CTNND2: variants seen among roughly 807,000 people sequenced by gnomAD.
The protein encoded by CTNND2 is catenin delta-2.
Under a neutral mutation model 144.4 loss-of-function variants are expected in CTNND2, and 22 were observed. The observed-to-expected ratio is 0.15, with a 90% confidence interval of 0.11 to 0.22. The LOEUF (loss-of-function observed/expected upper bound fraction) is 0.22, where lower values mean the gene tolerates loss of function less well. Among genes scored for constraint, CTNND2 ranks in the 10% least tolerant of loss-of-function variants. The pLI, the probability that CTNND2 is intolerant of heterozygous loss-of-function variation, is 1.00. For missense variants in CTNND2, 1,353 were observed against 1,618.8 expected (o/e 0.84, Z 2.82); for synonymous variants, 751 against 695.6 (o/e 1.08, Z -1.25).
intron 13 of CTNND2, among the ~76,000 whole-genome samples, chr5:11,113,989 G>A (rs1302362975): frequency 6.6e-6 from 1 of 152,178 alleles, no homozygotes; most frequent in Non-Finnish European, 1.5e-5. Context: ...AAGGTGTCAT[G>A]GGCTGCTAAT....
chr5:11,332,183 G>T (rs1753222330), intron 9 of CTNND2, among the ~76,000 whole-genome samples: 1 of 151,676 alleles, frequency 6.6e-6, no homozygotes, highest in Non-Finnish European at 1.5e-5. Flanking sequence ...GCTGAGGCAG[G>T]AGAATCGCTT....
chr5:11,297,940 C>G (rs1749191856), intron 9 of CTNND2, among the ~76,000 whole-genome samples: 2 of 152,114 alleles, frequency 1.3e-5, no homozygotes, highest in Admixed American at 6.6e-5. Context: ...TAAAAATTAG[C>G]ACCTTCAATA....
At chr5:11,546,234 A>T (rs1454277589) in intron 3 of CTNND2, among the ~76,000 whole-genome samples, 1 of 152,092 alleles carries the variant, frequency 6.6e-6, no homozygotes, top group Non-Finnish European at 1.5e-5. Context: ...AAAACCATTA[A>T]ATTTTATATT....
At chr5:11,835,226 T>C (rs1320024532) in intron 1 of CTNND2, among the ~76,000 whole-genome samples, 1 of 152,260 alleles carries the variant, frequency 6.6e-6, no homozygotes, top group African/African-American at 2.4e-5. Context: ...TGAGGATTTC[T>C]GCATCTATAC....
intron 1 of CTNND2, among the ~76,000 whole-genome samples, chr5:11,759,462 G>T (rs181560282): frequency 3.3e-5 from 5 of 152,112 alleles, no homozygotes; most frequent in African/African-American, 1.2e-4. Flanking sequence ...TCTCAATTAT[G>T]CAAACATGGT....
rs182843547 is a variant in CTNND2 at position 11,180,651 on chromosome 5, C to A, written c.1975+18797G>T. ...GGATGTAGAGTGAAGAAGGACCTCA[C>A]TTATCCTGCTGGGGACAGGGTCTGT... On this transcript the variant is annotated intron_variant, in intron 11 of 21. Transcript: ENST00000304623. Among the ~76,000 whole-genome samples the A allele has an allele frequency of 7.8e-4, 119 of 152,346 alleles. 2 individuals carry two copies. Among genetic ancestry groups the A allele is most frequent in the Admixed American group, 4.8e-3 (73 of 15,306 alleles).
chr5:11,815,115 G>C (rs571389528), intron 1 of CTNND2, among the ~76,000 whole-genome samples: 1 of 152,146 alleles, frequency 6.6e-6, no homozygotes, highest in Non-Finnish European at 1.5e-5. Flanking sequence ...AGTTCATTAA[G>C]AGACAACAGA....
intron 12 of CTNND2, among the ~76,000 whole-genome samples, chr5:11,130,206 CG>C (rs1383037413): frequency 6.6e-6 from 1 of 152,048 alleles, no homozygotes; most frequent in South Asian, 2.1e-4. Flanking sequence ...GGGCTGGCCG[CG>C]AACACCACTG....
chr5:11,122,246 CAAA>C (rs202171390), intron 12 of CTNND2, among the ~76,000 whole-genome samples: 1 of 120,560 alleles, frequency 8.3e-6, no homozygotes, highest in African/African-American at 2.8e-5. Context: ...TTTCAACTTG[CAAA>C]AAAAAAAAAA....
At chr5:11,838,961 A>G (rs1794316989) in intron 1 of CTNND2, among the ~76,000 whole-genome samples, 1 of 152,220 alleles carries the variant, frequency 6.6e-6, no homozygotes, top group Admixed American at 6.5e-5. Context: ...CAACAGCTCA[A>G]TAAATATTGT....
At chr5:11,658,095 A>C (rs993666168) in intron 2 of CTNND2, among the ~76,000 whole-genome samples, 1 of 152,162 alleles carries the variant, frequency 6.6e-6, no homozygotes, top group African/African-American at 2.4e-5. Flanking sequence ...ATTTTAATCT[A>C]TTACACAAGT....
chr5:11,579,454 T>C (rs1778242069), intron 2 of CTNND2, among the ~76,000 whole-genome samples: 1 of 152,214 alleles, frequency 6.6e-6, no homozygotes, highest in African/African-American at 2.4e-5. Context: ...TACCAGATGC[T>C]CTTGGTACAC....
intron 2 of CTNND2, among the ~76,000 whole-genome samples, chr5:11,713,032 G>A (rs1786124573): frequency 6.6e-6 from 1 of 152,156 alleles, no homozygotes; most frequent in Non-Finnish European, 1.5e-5. Flanking sequence ...ACACAGTGCT[G>A]CAAAATGGGG....
intron 3 of CTNND2, among the ~76,000 whole-genome samples, chr5:11,449,732 T>C (rs1765135965): frequency 6.6e-6 from 1 of 152,256 alleles, no homozygotes; most frequent in Non-Finnish European, 1.5e-5. Flanking sequence ...TGAAATTTTA[T>C]AATTTATTGC....
intron 15 of CTNND2, among the ~76,000 whole-genome samples, chr5:11,092,183 C>A (rs1315668440): frequency 1.3e-5 from 2 of 152,194 alleles, no homozygotes; most frequent in African/African-American, 4.8e-5. Flanking sequence ...TAGTGTCTTA[C>A]TAAAAAACCC....
At chr5:11,840,459 G>T (rs922374407) in intron 1 of CTNND2, among the ~76,000 whole-genome samples, 2 of 152,112 alleles carry the variant, frequency 1.3e-5, no homozygotes, top group Admixed American at 1.3e-4. Flanking sequence ...GGGAAACCTA[G>T]AGGTCTGAAT....
intron 12 of CTNND2, among the ~76,000 whole-genome samples, chr5:11,123,739 C>G (rs77406043): frequency 0.033 from 4,957 of 152,346 alleles, 289 homozygotes; most frequent in African/African-American, 0.11. Context: ...TGGTCTCCAG[C>G]TGATGAGAAC....
At chr5:11,781,609 T>C (rs913472644) in intron 1 of CTNND2, among the ~76,000 whole-genome samples, 2 of 152,224 alleles carry the variant, frequency 1.3e-5, no homozygotes, top group African/African-American at 4.8e-5. Context: ...TGAAGAACCA[T>C]ATATATGAGC....
At chr5:11,267,308 T>G (rs934518540) in intron 9 of CTNND2, among the ~76,000 whole-genome samples, 2 of 152,296 alleles carry the variant, frequency 1.3e-5, no homozygotes, top group South Asian at 4.1e-4. Context: ...TGATGGGTGA[T>G]TTGGCAATTG....
Sources: allele counts gnomAD v4.1 joint callset (sites outside exome capture counted in the v4.1 genomes callset), GRCh38; gene constraint gnomAD v4.1.1; transcripts MANE v1.5; gene names NCBI Gene and HGNC (gene_info 2026-07-23, HGNC 2026-07-21).